Variants in KIRREL3 observed in about 807,000 individuals in gnomAD.
KIRREL3 encodes the protein kirre like nephrin family adhesion molecule 3, also known as kin of IRRE-like protein 3.
A neutral mutation model predicts 89.7 loss-of-function variants in KIRREL3; 36 were observed. That is an observed-to-expected ratio of 0.40 (90% CI 0.31 to 0.53). KIRREL3 has a LOEUF of 0.53. Ranked by LOEUF, KIRREL3 falls within the 20% of genes least tolerant of loss-of-function variation. KIRREL3 has a pLI of 0.49. For synonymous variants in KIRREL3, 445 were observed against 441.4 expected, an observed-to-expected ratio of 1.01 and a Z score of -0.10; for missense variants, 864 against 1,056.6, an observed-to-expected ratio of 0.82 and a Z score of 2.53.
chr11:126,620,917 C>A lies in KIRREL3; in HGVS notation c.56-58005G>T, dbSNP rs911580956. Among the ~76,000 whole-genome samples, 1 of 152,064 alleles carries A rather than the reference C, an allele frequency of 6.6e-6. No homozygotes were observed. Among genetic ancestry groups the A allele is most frequent in the Non-Finnish European group, 1.5e-5 (1 of 67,990 alleles). The stretch of plus-strand genomic sequence containing the variant: ...TAAGACCAGAGGCTTTTTGTTTTTT[C>A]TTCTCTTCTCTGGACTCATAGGTCT... On this transcript the variant is annotated intron_variant, in intron 1 of 16. Transcript: ENST00000525144. This position sits in a 1 kb window ranked among gnomAD's most constrained non-coding sequence, Gnocchi z 4.8.
intron 1 of KIRREL3, among the ~76,000 whole-genome samples, chr11:126,986,267 G>T (rs1289724444): frequency 6.6e-6 from 1 of 151,960 alleles, no homozygotes; most frequent in Non-Finnish European, 1.5e-5. Context: ...TTTTTTTTAT[G>T]AATTGAAAAA....
rs1163089301 is a variant in KIRREL3, at chr11:126,523,754, G to A, written c.284-2290C>T. Among the ~76,000 whole-genome samples the A allele has an allele frequency of 3.3e-5, 5 of 152,116 alleles. No homozygotes were observed. The highest frequency in any genetic ancestry group is 7.2e-5 in the African/African-American group (3 of 41,426). The stretch of plus-strand genomic sequence containing the variant: ...CCTTGTAGCTGGCTGGCTACCCCCA[G>A]CCCCTCCAGCCCAGCCTCTGGATCC... On this transcript the variant is annotated intron_variant, in intron 3 of 16. Coordinates refer to ENST00000525144, the MANE Select transcript of KIRREL3 (RefSeq NM_032531.4). The surrounding 1 kb of genome is among the most constrained non-coding windows in gnomAD (Gnocchi z 4.9).
rs1408006880 is a variant in KIRREL3, at chr11:126,523,530, G to A, written c.284-2066C>T. Among the ~76,000 whole-genome samples, 6 of 152,078 alleles carry A rather than the reference G, an allele frequency of 3.9e-5. No homozygotes were observed. Among genetic ancestry groups the A allele is most frequent in the Non-Finnish European group, 7.4e-5 (5 of 68,012 alleles). ...CAATAAAATGGCCCTGTCCTCCCCA[G>A]CTGTGCAGGCCTGGCCAGAAAAGCT... On this transcript the variant is annotated intron_variant, in intron 3 of 16. Coordinates refer to ENST00000525144, the MANE Select transcript of KIRREL3 (RefSeq NM_032531.4). The surrounding 1 kb of genome is among the most constrained non-coding windows in gnomAD (Gnocchi z 4.9).
intron 2 of KIRREL3, among the ~76,000 whole-genome samples, chr11:126,552,441 G>T (rs1028526607): frequency 6.6e-6 from 1 of 150,940 alleles, no homozygotes; most frequent in African/African-American, 2.4e-5. Context: ...CTGACATAAG[G>T]TTTAAAAACA....
rs115612822 is a variant in KIRREL3, at chr11:126,736,697, G to A, written c.56-173785C>T. ...TGACAAGGATTATCCTACCCAAAAC[G>A]TCATTCGTGCTGAGGTTGAGAAACC... On this transcript the variant is annotated intron_variant, in intron 1 of 16. Coordinates refer to ENST00000525144, the MANE Select transcript of KIRREL3 (RefSeq NM_032531.4). The surrounding 1 kb of genome is among the most constrained non-coding windows in gnomAD (Gnocchi z 5.0). 0.014 allele frequency among the ~76,000 whole-genome samples: 2,144 copies of A among 152,242 alleles called. 47 individuals are homozygous for A. Among genetic ancestry groups the A allele is most frequent in the African/African-American group, 0.045 (1,882 of 41,536 alleles).
In KIRREL3 at chr11:126,680,592, T is replaced by C. The variant is rs566864138; in HGVS notation, c.56-117680A>G. Among the ~76,000 whole-genome samples the C allele has an allele frequency of 1.2e-3, 182 of 152,268 alleles. 4 individuals carry two copies. In the South Asian group the frequency reaches 0.028, roughly 23 times the overall value. On this transcript the variant is annotated intron_variant, in intron 1 of 16. Transcript: ENST00000525144. ...AGTCAGAATAAACATATGCAAGGACTGGGGTTTAAACATCCCATGAAGATT... is the reference window on the plus strand; with the variant it reads ...AGTCAGAATAAACATATGCAAGGACCGGGGTTTAAACATCCCATGAAGATT...
intron 1 of KIRREL3, among the ~76,000 whole-genome samples, chr11:126,836,392 A>G (rs968002839): frequency 6.6e-6 from 1 of 152,184 alleles, no homozygotes; most frequent in African/African-American, 2.4e-5. Context: ...GCCTTGATAA[A>G]CAGCCTTTGT....
In KIRREL3 at chr11:126,677,691, C is replaced by T. The variant is rs768121498; in HGVS notation, c.56-114779G>A. Among the ~76,000 whole-genome samples the T allele has an allele frequency of 4.6e-5, 7 of 152,102 alleles. No homozygotes were observed. Among genetic ancestry groups the T allele is most frequent in the African/African-American group, 9.7e-5 (4 of 41,414 alleles). ...ACAGAAAATCCACCAGCAGCTCGCA[C>T]GAGTGGGTCCTCCCAGAATGAGTCC... On this transcript the variant is annotated intron_variant, in intron 1 of 16. Transcript: ENST00000525144. The surrounding 1 kb of genome is among the most constrained non-coding windows in gnomAD (Gnocchi z 5.1).
Position 126,989,207 on chromosome 11 carries a change from A to G in KIRREL3, c.55+11248T>C, listed in dbSNP as rs1336926936. On this transcript the variant is annotated intron_variant, in intron 1 of 16. Coordinates refer to ENST00000525144, the MANE Select transcript of KIRREL3 (RefSeq NM_032531.4). This position sits in a 1 kb window ranked among gnomAD's most constrained non-coding sequence, Gnocchi z 6.2. ...AAGGTTTTGCAAAACTTATGCAAAAAGTTTTCTTTTCTACAAGAGATGCTG... is the reference window on the plus strand; with the variant it reads ...AAGGTTTTGCAAAACTTATGCAAAAGGTTTTCTTTTCTACAAGAGATGCTG... 6.6e-6 allele frequency among the ~76,000 whole-genome samples: 1 copy of G among 152,202 alleles called. No homozygotes were observed. The highest frequency in any genetic ancestry group is 1.5e-5 in the Non-Finnish European group (1 of 68,040).
chr11:126,543,258 G>A (rs1286249072), intron 2 of KIRREL3, among the ~76,000 whole-genome samples: 2 of 152,172 alleles, frequency 1.3e-5, no homozygotes, highest in Admixed American at 6.5e-5. Context: ...GAGAGGTTTT[G>A]TGCTGGAAGC....
chr11:126,722,134 C>A (rs1948198860), intron 1 of KIRREL3, among the ~76,000 whole-genome samples: 1 of 152,220 alleles, frequency 6.6e-6, no homozygotes, highest in Admixed American at 6.5e-5. Flanking sequence ...CCTCAAGCAC[C>A]TGCTGTCACT....
At chr11:126,702,724 C>G (rs548822559) in intron 1 of KIRREL3, among the ~76,000 whole-genome samples, 1 of 152,354 alleles carries the variant, frequency 6.6e-6, no homozygotes, top group East Asian at 1.9e-4. Context: ...CCAGCCACCT[C>G]CTGGTGCACC....
chr11:126,724,799 G>C lies in KIRREL3; in HGVS notation c.56-161887C>G, dbSNP rs1948314642. On this transcript the variant is annotated intron_variant, in intron 1 of 16. Transcript: ENST00000525144. The surrounding 1 kb of genome is among the most constrained non-coding windows in gnomAD (Gnocchi z 4.3). ...AGTCAGGATTATTAGACCTGCCTAT[G>C]GGCCAAGGGTTCTTACTAATAGATT... Among the ~76,000 whole-genome samples, 1 of 152,186 alleles carries C rather than the reference G, an allele frequency of 6.6e-6. No individual in the cohort carries two copies. Among genetic ancestry groups the C allele is most frequent in the East Asian group, 1.9e-4 (1 of 5,196 alleles).
Position 126,708,785 on chromosome 11 carries a change from G to A in KIRREL3, c.56-145873C>T, listed in dbSNP as rs1248107518. ...CTAGCTTTCCTCCCTCCGCTCTCCA[G>A]CTCCCGTTCCTACCAAATGCACCAA... is the stretch of plus-strand genomic sequence containing the variant. On this transcript the variant is annotated intron_variant, in intron 1 of 16. Coordinates refer to ENST00000525144, the MANE Select transcript of KIRREL3 (RefSeq NM_032531.4). The surrounding 1 kb of genome is among the most constrained non-coding windows in gnomAD (Gnocchi z 5.7). 6.6e-6 allele frequency among the ~76,000 whole-genome samples: 1 copy of A among 152,168 alleles called. No individual in the cohort carries two copies. Among genetic ancestry groups the A allele is most frequent in the Non-Finnish European group, 1.5e-5 (1 of 68,030 alleles).
intron 1 of KIRREL3, among the ~76,000 whole-genome samples, chr11:126,700,391 C>T (rs1018255839): frequency 2.0e-5 from 3 of 152,212 alleles, no homozygotes; most frequent in African/African-American, 7.2e-5. Flanking sequence ...CTGCTTTCTT[C>T]TTAAGAACAC....
chr11:126,972,740 C>T (rs1011083345), intron 1 of KIRREL3, among the ~76,000 whole-genome samples: 27 of 152,148 alleles, frequency 1.8e-4, no homozygotes, highest in Admixed American at 7.2e-4. Flanking sequence ...TATTTGATTG[C>T]GTGTATGCCA....
In KIRREL3 at chr11:126,904,995, C is replaced by T. The variant is rs2134864850; in HGVS notation, c.55+95460G>A. Reference sequence around the variant, plus strand: ...AATAGTGTGTAAAAAAATTCATCTTCAGATGGGTATTTGTGGCAATGCTTC... The same window carrying T: ...AATAGTGTGTAAAAAAATTCATCTTTAGATGGGTATTTGTGGCAATGCTTC... On this transcript the variant is annotated intron_variant, in intron 1 of 16. Transcript: ENST00000525144. This position sits in a 1 kb window ranked among gnomAD's most constrained non-coding sequence, Gnocchi z 4.4. Among the ~76,000 whole-genome samples, 1 of 152,142 alleles carries T rather than the reference C, an allele frequency of 6.6e-6. No individual in the cohort carries two copies. The highest frequency in any genetic ancestry group is 1.9e-4 in the East Asian group (1 of 5,200).
rs1285719910 is a variant in KIRREL3 at position 126,429,367 on chromosome 11, C to T, written c.1697-79G>A. Reference sequence around the variant, plus strand: ...TGTCAAGCTCCCTTGCAGTCCCCTGCCCCTGCCCTGCCACCCTCTGCATTT... The same window carrying T: ...TGTCAAGCTCCCTTGCAGTCCCCTGTCCCTGCCCTGCCACCCTCTGCATTT... On this transcript the variant is annotated intron_variant, in intron 14 of 16. Transcript: ENST00000525144. This position sits in a 1 kb window ranked among gnomAD's most constrained non-coding sequence, Gnocchi z 5.2. 6.2e-6 allele frequency: 6 copies of T among 974,156 alleles called. No individual in the cohort carries two copies. The highest frequency in any genetic ancestry group is 9.7e-6 in the Non-Finnish European group (6 of 619,772). 60.3% of individuals were successfully genotyped at this position (974,156 alleles called of 1,614,324 possible).
At position 126,562,143 on chromosome 11, in the gene KIRREL3, A is replaced by G. The variant is rs527729128; in HGVS notation, c.133+692T>C. ...GTGGCATCTGATGGAGAGGGTTATT[A>G]GCTGCATGGAGACAGATGGCTAGGG... On this transcript the variant is annotated intron_variant, in intron 2 of 16. Coordinates refer to ENST00000525144, the MANE Select transcript of KIRREL3 (RefSeq NM_032531.4). This position sits in a 1 kb window ranked among gnomAD's most constrained non-coding sequence, Gnocchi z 4.7. Among the ~76,000 whole-genome samples the G allele has an allele frequency of 6.6e-6, 1 of 152,322 alleles. No homozygotes were observed. The highest frequency in any genetic ancestry group is 6.5e-5 in the Admixed American group (1 of 15,302).
Sources: allele counts gnomAD v4.1 joint callset (sites outside exome capture counted in the v4.1 genomes callset), GRCh38; gene constraint gnomAD v4.1.1; non-coding constraint Gnocchi (gnomAD v3.1); transcripts MANE v1.5; gene names NCBI Gene and HGNC (gene_info 2026-07-23, HGNC 2026-07-21).